DMRT1: variants seen among roughly 807,000 people sequenced by gnomAD.
The protein encoded by DMRT1 is doublesex- and mab-3-related transcription factor 1.
DMRT1 carries 7 observed loss-of-function variants against 32.3 expected under a neutral mutation model. The ratio of observed to expected loss-of-function variants is 0.22; its 90% CI spans 0.12 to 0.41. The LOEUF is 0.41. Ranked by LOEUF, DMRT1 falls within the 10% of genes least tolerant of loss-of-function variation. The pLI is 1.00. For missense variants in DMRT1, 625 were observed against 500.5 expected, an observed-to-expected ratio of 1.25 and a Z score of -2.37; for synonymous variants, 278 against 206.1, an observed-to-expected ratio of 1.35 and a Z score of -2.99.
chr9:893,801 T>C lies in DMRT1; in HGVS notation c.539-111T>C, dbSNP rs1459544078. Reference sequence around the variant, plus strand: ...AGAAGCAACAGATGGTTTTGTCTTCTGCATATTCAGCTACCTTGCTCCGCA... The same window carrying C: ...AGAAGCAACAGATGGTTTTGTCTTCCGCATATTCAGCTACCTTGCTCCGCA... On this transcript the variant is annotated intron_variant, in intron 2 of 4. Coordinates refer to ENST00000382276, the MANE Select transcript of DMRT1 (RefSeq NM_021951.3). 3.1e-6 allele frequency: 3 copies of C among 976,398 alleles called. No homozygotes were observed. In the East Asian group the frequency reaches 7.5e-5, roughly 24 times the overall value. 60.5% of individuals were successfully genotyped at this position (976,398 alleles called of 1,614,324 possible).
chr9:875,098 C>A (rs1478847291), intron 2 of DMRT1, among the ~76,000 whole-genome samples: 1 of 152,196 alleles, frequency 6.6e-6, no homozygotes, highest in African/African-American at 2.4e-5. Context: ...GCGTGAGCCA[C>A]CGCGCCCGGC....
intron 2 of DMRT1, among the ~76,000 whole-genome samples, chr9:881,076 T>TG (rs1816717635): frequency 6.6e-6 from 1 of 152,012 alleles, no homozygotes; most frequent in East Asian, 1.9e-4. Flanking sequence ...CAAAGTGGTC[T>TG]GGGGTGTGGC....
intron 4 of DMRT1, among the ~76,000 whole-genome samples, chr9:959,669 AG>A (rs1244966395): frequency 6.6e-6 from 1 of 152,174 alleles, no homozygotes; most frequent in Non-Finnish European, 1.5e-5. Context: ...CTGGGATTAC[AG>A]GCATGTGCTA....
At chr9:919,091 T>C (rs1818274363) in intron 4 of DMRT1, among the ~76,000 whole-genome samples, 1 of 152,128 alleles carries the variant, frequency 6.6e-6, no homozygotes, top group Non-Finnish European at 1.5e-5. Flanking sequence ...ATTTGTGAGA[T>C]ATCGGCAAAG....
intron 3 of DMRT1, among the ~76,000 whole-genome samples, chr9:915,412 GCTT>G (rs1483330742): frequency 6.6e-6 from 1 of 152,142 alleles, no homozygotes; most frequent in African/African-American, 2.4e-5. Context: ...GGAATGAACT[GCTT>G]CTTATATAAA....
chr9:887,715 C>G (rs1309528109), intron 2 of DMRT1, among the ~76,000 whole-genome samples: 1 of 152,196 alleles, frequency 6.6e-6, no homozygotes, highest in Non-Finnish European at 1.5e-5. Context: ...TGGCTCATCA[C>G]TCACCGTGGC....
chr9:899,586 G>C (rs1232283046), intron 3 of DMRT1, among the ~76,000 whole-genome samples: 1 of 152,180 alleles, frequency 6.6e-6, no homozygotes, highest in Non-Finnish European at 1.5e-5. Flanking sequence ...TTGTGAAACA[G>C]GAATAACATT....
intron 3 of DMRT1, among the ~76,000 whole-genome samples, chr9:912,090 G>T (rs937484919): frequency 1.1e-4 from 17 of 152,214 alleles, no homozygotes; most frequent in African/African-American, 3.9e-4. Context: ...ATGTCAGAAG[G>T]CGAAGAAGAA....
intron 2 of DMRT1, among the ~76,000 whole-genome samples, chr9:856,535 T>C (rs1434900157): frequency 6.6e-6 from 1 of 152,236 alleles, no homozygotes; most frequent in East Asian, 1.9e-4. Context: ...CTGATGTTTC[T>C]AAGTTTATCC....
In DMRT1 at chr9:859,317, C is replaced by G. The variant is rs550340617; in HGVS notation, c.538+12174C>G. Among the ~76,000 whole-genome samples the G allele has an allele frequency of 1.9e-4, 29 of 152,250 alleles. No individual in the cohort carries two copies. The Middle Eastern group carries it at 0.01, about 54-fold the overall frequency. The stretch of plus-strand genomic sequence containing the variant: ...GTTTATAGGGAACGGATGCAGGGGA[C>G]TGTATACTAACACCTTATGCAGTAC... On this transcript the variant is annotated intron_variant, in intron 2 of 4. Coordinates refer to ENST00000382276, the MANE Select transcript of DMRT1 (RefSeq NM_021951.3).
At chr9:878,956 C>G (rs1448606957) in intron 2 of DMRT1, among the ~76,000 whole-genome samples, 2 of 152,164 alleles carry the variant, frequency 1.3e-5, no homozygotes, top group African/African-American at 2.4e-5. Flanking sequence ...CCAGTGCTCT[C>G]AACCTGAAGT....
intron 2 of DMRT1, among the ~76,000 whole-genome samples, chr9:862,983 T>C (rs1361092767): frequency 6.6e-6 from 1 of 151,774 alleles, no homozygotes; most frequent in African/African-American, 2.4e-5. Context: ...GATCCTGGAT[T>C]TTCCGGATGG....
In DMRT1 at chr9:911,470, A is replaced by ATTTTTTTTT. The variant is rs201141931; in HGVS notation, c.823-5260_823-5252dup. Among the ~76,000 whole-genome samples, 8 of 66,948 alleles carry ATTTTTTTTT rather than the reference A, an allele frequency of 1.2e-4. 1 individual carries two copies. The highest frequency in any genetic ancestry group is 2.0e-4 in the Non-Finnish European group (5 of 25,460). The allele number at this position is 66,948 out of a possible 152,430, so 43.9% of individuals were successfully genotyped here. On this transcript the variant is annotated intron_variant, in intron 3 of 4. Coordinates refer to ENST00000382276, the MANE Select transcript of DMRT1 (RefSeq NM_021951.3). ...CCATGCCTTTTTCTGGGTTAATTGC[A>ATTTTTTTTT]TTTTTTTTTTTTTTTTTTTTTTTTT...
At chr9:925,824 G>GA (rs1818505015) in intron 4 of DMRT1, among the ~76,000 whole-genome samples, 5 of 152,180 alleles carry the variant, frequency 3.3e-5, no homozygotes. Context: ...TTAGGTAGGG[G>GA]AAAGGAGGGG....
rs940949233 is a variant in DMRT1 at position 911,491 on chromosome 9, T to G, written c.823-5272T>G. Among the ~76,000 whole-genome samples, 5 of 90,296 alleles carry G rather than the reference T, an allele frequency of 5.5e-5. No individual in the cohort carries two copies. The East Asian group carries it at 7.8e-4, about 14-fold the overall frequency. The allele number at this position is 90,296 out of a possible 152,430, so 59.2% of individuals were successfully genotyped here. ...TTGCATTTTTTTTTTTTTTTTTTTT[T>G]TTTTTTTTTTTTTTTTTTTTAGATG... On this transcript the variant is annotated intron_variant, in intron 3 of 4. Transcript: ENST00000382276.
At chr9:892,627 C>G (rs1354975607) in intron 2 of DMRT1, among the ~76,000 whole-genome samples, 2 of 152,156 alleles carry the variant, frequency 1.3e-5, no homozygotes, top group East Asian at 3.9e-4. Context: ...GTCTTTCTGC[C>G]TCTGATCTCT....
rs999646655 is a variant in DMRT1, at chr9:926,179, C to G, written c.967+9272C>G. Among the ~76,000 whole-genome samples the G allele has an allele frequency of 2.6e-5, 4 of 152,158 alleles. No homozygotes were observed. In the South Asian group the frequency reaches 6.2e-4, roughly 24 times the overall value. On this transcript the variant is annotated intron_variant, in intron 4 of 4. Coordinates refer to ENST00000382276, the MANE Select transcript of DMRT1 (RefSeq NM_021951.3). ...TTCGGCATATCAGGTGTGGTGTTCT[C>G]TTTACATTGCTATTCCCAAAGCTCA... is the stretch of plus-strand genomic sequence containing the variant.
intron 2 of DMRT1, among the ~76,000 whole-genome samples, chr9:883,689 G>A (rs1816819918): frequency 6.6e-6 from 1 of 151,464 alleles, no homozygotes; most frequent in Non-Finnish European, 1.5e-5. Flanking sequence ...ATACTTGGGA[G>A]GCAGAGACAG....
intron 2 of DMRT1, among the ~76,000 whole-genome samples, chr9:877,009 C>G (rs974062720): frequency 6.6e-6 from 1 of 152,096 alleles, no homozygotes; most frequent in South Asian, 2.1e-4. Context: ...GGTCCCACTT[C>G]CAGTTACATG....
Sources: allele counts gnomAD v4.1 joint callset (sites outside exome capture counted in the v4.1 genomes callset), GRCh38; gene constraint gnomAD v4.1.1; transcripts MANE v1.5; gene names NCBI Gene and HGNC (gene_info 2026-07-23, HGNC 2026-07-21).